CSMD3: variants seen among roughly 807,000 people sequenced by gnomAD.
CSMD3 encodes the protein CUB and Sushi multiple domains 3.
Under a neutral mutation model 435.2 loss-of-function variants are expected in CSMD3, and 177 were observed. That is an observed-to-expected ratio of 0.41 (90% CI 0.36 to 0.46). The LOEUF is 0.46. Among genes scored for constraint, CSMD3 ranks in the 20% least tolerant of loss-of-function variants. The pLI, the probability that CSMD3 is intolerant of heterozygous loss-of-function variation, is 0.34. For synonymous variants in CSMD3, 1,656 were observed against 1,520.5 expected, an observed-to-expected ratio of 1.09 and a Z score of -2.07; for missense variants, 4,265 against 4,504.6, an observed-to-expected ratio of 0.95 and a Z score of 1.52.
At chr8:112,703,456 T>G (rs1438265164) in intron 13 of CSMD3, among the ~76,000 whole-genome samples, 1 of 152,172 alleles carries the variant, frequency 6.6e-6, no homozygotes, top group Admixed American at 6.6e-5. Context: ...TCAACACTTT[T>G]TAAAGTGACC....
chr8:112,992,590 C>A (rs2085496041), intron 6 of CSMD3, among the ~76,000 whole-genome samples: 2 of 151,744 alleles, frequency 1.3e-5, no homozygotes, highest in African/African-American at 2.4e-5. Flanking sequence ...TGTAAAGGAT[C>A]TAAGGAAGAA....
chr8:112,669,487 A>T (rs1292968218), intron 16 of CSMD3, among the ~76,000 whole-genome samples: 1 of 152,218 alleles, frequency 6.6e-6, no homozygotes, highest in Admixed American at 6.5e-5. Flanking sequence ...ACTGAAATTT[A>T]AGAAATTCTT....
intron 22 of CSMD3, among the ~76,000 whole-genome samples, chr8:112,617,598 T>G (rs886542217): frequency 2.6e-5 from 4 of 152,148 alleles, no homozygotes; most frequent in African/African-American, 9.7e-5. Context: ...AGTCTAAAAC[T>G]AAAAATTTCA....
In CSMD3 at chr8:112,666,259, G is replaced by GA. The variant is rs1563830462; in HGVS notation, c.2816+17dup. Reference sequence around the variant, plus strand: ...TAGATAATATTTTCTTTAAAAGTAGGAAAAATATTTGTGAGACCTTTCAAA... The same window carrying GA: ...TAGATAATATTTTCTTTAAAAGTAGGAAAAAATATTTGTGAGACCTTTCAAA... On this transcript the variant is annotated intron_variant, in intron 17 of 70. Transcript: ENST00000297405. 6.3e-7 allele frequency: 1 copy of GA among 1,587,296 alleles called. No individual in the cohort carries two copies. Among genetic ancestry groups the GA allele is most frequent in the East Asian group, 2.2e-5 (1 of 44,630 alleles).
chr8:112,249,376 C>A (rs982978003), intron 63 of CSMD3, among the ~76,000 whole-genome samples: 7 of 152,116 alleles, frequency 4.6e-5, no homozygotes, highest in South Asian at 4.1e-4. Flanking sequence ...TAGCTGAGTA[C>A]CCCCCTCCAG....
chr8:113,095,014 T>A (rs1291234744), intron 5 of CSMD3, among the ~76,000 whole-genome samples: 1 of 151,508 alleles, frequency 6.6e-6, no homozygotes, highest in Non-Finnish European at 1.5e-5. Flanking sequence ...GAGGTTGCAG[T>A]GAGCTGAGAT....
chr8:112,889,450 C>T (rs909221180), intron 10 of CSMD3, among the ~76,000 whole-genome samples: 3 of 151,632 alleles, frequency 2.0e-5, no homozygotes, highest in Non-Finnish European at 4.4e-5. Flanking sequence ...GAAGTTTGGG[C>T]TTTATCAAAT....
chr8:112,822,250 A>G (rs577949263), intron 12 of CSMD3, among the ~76,000 whole-genome samples: 55 of 152,206 alleles, frequency 3.6e-4, no homozygotes, highest in African/African-American at 1.2e-3. Context: ...TAGTATGGCC[A>G]TTTTCACGAT....
chr8:112,989,982 G>A (rs552530238), intron 6 of CSMD3, among the ~76,000 whole-genome samples: 18 of 151,912 alleles, frequency 1.2e-4, no homozygotes, highest in African/African-American at 2.4e-4. Flanking sequence ...TCATGAGATC[G>A]GATAGTTTTA....
At position 112,923,393 on chromosome 8, in the gene CSMD3, A is replaced by G. The variant is rs559229224; in HGVS notation, c.1509-1642T>C. On this transcript the variant is annotated intron_variant, in intron 9 of 70. Coordinates refer to ENST00000297405, the MANE Select transcript of CSMD3 (RefSeq NM_198123.2). ...TGGTCTCTGCTAATTTGCAGGATTAATTTCCTATGCTTTCTCCTTCCATGT... is the reference window on the plus strand; with the variant it reads ...TGGTCTCTGCTAATTTGCAGGATTAGTTTCCTATGCTTTCTCCTTCCATGT... 3.3e-5 allele frequency among the ~76,000 whole-genome samples: 5 copies of G among 152,182 alleles called. No individual in the cohort carries two copies. The South Asian group carries it at 1.0e-3, about 32-fold the overall frequency.
intron 42 of CSMD3, among the ~76,000 whole-genome samples, chr8:112,339,425 A>G (rs1824885651): frequency 6.6e-6 from 1 of 152,104 alleles, no homozygotes. Context: ...ATCTGGACCC[A>G]AAAAGATTCT....
At chr8:113,332,400 TA>T (rs1401300562) in intron 1 of CSMD3, among the ~76,000 whole-genome samples, 2 of 148,688 alleles carry the variant, frequency 1.3e-5, no homozygotes, top group South Asian at 2.1e-4. Flanking sequence ...AAAAACACAC[TA>T]AAAACTGTTA....
At position 112,390,787 on chromosome 8, in the gene CSMD3, C is replaced by T; in HGVS notation, c.5811G>A (p.Val1937=). ...QWNDSLPTCI[V]PCGGILTKRK... is the part of the protein sequence containing the mutation. Reference sequence around the variant, plus strand: ...GCTTAGTTAAAATTCCACCACAGGGCACTGAAAATAAAGCAGTCCAAGAGA... The same window carrying T: ...GCTTAGTTAAAATTCCACCACAGGGTACTGAAAATAAAGCAGTCCAAGAGA... The change falls in exon 36 of 71, where the codon GTG becomes GTA. Residue 1937 remains valine, a splice_region_variant and synonymous_variant. Transcript: ENST00000297405. The T allele has an allele frequency of 6.2e-7, 1 of 1,613,430 alleles. No individual in the cohort carries two copies. Among genetic ancestry groups the T allele is most frequent in the Non-Finnish European group, 8.5e-7 (1 of 1,179,458 alleles).
intron 13 of CSMD3, among the ~76,000 whole-genome samples, chr8:112,795,073 A>C (rs1256800254): frequency 6.6e-6 from 1 of 152,158 alleles, no homozygotes; most frequent in Non-Finnish European, 1.5e-5. Flanking sequence ...TCTAAAAAAC[A>C]TGTAACTTTT....
At chr8:113,290,687 A>C (rs1444260291) in intron 2 of CSMD3, among the ~76,000 whole-genome samples, 3 of 151,674 alleles carry the variant, frequency 2.0e-5, no homozygotes, top group African/African-American at 7.2e-5. Flanking sequence ...TAACATGAGA[A>C]TGCAGTGACA....
At chr8:112,310,061 T>C (rs987791165) in intron 50 of CSMD3, among the ~76,000 whole-genome samples, 3 of 152,192 alleles carry the variant, frequency 2.0e-5, no homozygotes, top group Non-Finnish European at 4.4e-5. Flanking sequence ...AATTTTCATC[T>C]TGATAAAATA....
chr8:113,213,116 A>C (rs899004540), intron 3 of CSMD3, among the ~76,000 whole-genome samples: 5 of 152,126 alleles, frequency 3.3e-5, no homozygotes, highest in African/African-American at 1.2e-4. Flanking sequence ...AATGTTAACT[A>C]AGAAAATTTT....
intron 7 of CSMD3, among the ~76,000 whole-genome samples, chr8:112,956,197 T>C (rs906554872): frequency 6.6e-6 from 1 of 152,082 alleles, no homozygotes; most frequent in Non-Finnish European, 1.5e-5. Context: ...TAAGACTAGA[T>C]GGCTTCTCTC....
At chr8:113,217,442 T>A (rs2092918115) in intron 3 of CSMD3, among the ~76,000 whole-genome samples, 1 of 151,596 alleles carries the variant, frequency 6.6e-6, no homozygotes, top group South Asian at 2.1e-4. Context: ...AGCCTAGTTA[T>A]AAACATGTTA....
Sources: gnomAD v4.1 joint callset for allele counts (sites outside exome capture counted in the v4.1 genomes callset) on GRCh38, gnomAD v4.1.1 for gene constraint, MANE v1.5 for transcripts, NCBI Gene and HGNC (gene_info 2026-07-23, HGNC 2026-07-21) for gene names.